Variants in TOMM20 observed in about 807,000 individuals in gnomAD.
The protein encoded by TOMM20 is mitochondrial import receptor subunit TOM20 homolog.
A neutral mutation model predicts 22.1 loss-of-function variants in TOMM20; 10 were observed. The observed-to-expected ratio is 0.45, with a 90% CI of 0.28 to 0.77. The LOEUF is 0.77. TOMM20 is among the 30% of genes least tolerant of loss of function. The probability of loss-of-function intolerance (pLI) is 0.13; values close to 1 mark genes in which losing one functional copy is unlikely to be tolerated. For synonymous variants in TOMM20, 55 were observed against 61.4 expected (o/e 0.90, Z 0.49); for missense variants, 121 against 172.2 (o/e 0.70, Z 1.66).
intron 3 of TOMM20, among the ~76,000 whole-genome samples, chr1:235,118,537 GTTT>G (rs1450618639): frequency 6.6e-6 from 1 of 152,148 alleles, no homozygotes; most frequent in African/African-American, 2.4e-5. Flanking sequence ...TATGTATATA[GTTT>G]TTAAGAGACA....
intron 1 of TOMM20, among the ~76,000 whole-genome samples, chr1:235,123,840 A>G (rs1367551560): frequency 2.0e-5 from 3 of 152,250 alleles, no homozygotes; most frequent in South Asian, 4.1e-4. Flanking sequence ...ATAATGAGTG[A>G]TAACAGACAA....
At chr1:235,123,140 T>C (rs1227753675) in intron 1 of TOMM20, among the ~76,000 whole-genome samples, 4 of 152,180 alleles carry the variant, frequency 2.6e-5, no homozygotes, top group African/African-American at 9.6e-5. Flanking sequence ...AACAAGCAAA[T>C]GTCCTCTGAA....
intron 1 of TOMM20, among the ~76,000 whole-genome samples, chr1:235,125,396 T>C (rs910583053): frequency 6.6e-6 from 1 of 152,100 alleles, no homozygotes; most frequent in Non-Finnish European, 1.5e-5. Flanking sequence ...TTCTATTTTT[T>C]AGTAAAGACG....
chr1:235,122,454 T>A, intron 1 of TOMM20, 82 bp from the exon 2 acceptor site: 1 of 1,286,066 alleles, frequency 7.8e-7, no homozygotes, highest in Non-Finnish European at 1.1e-6. Flanking sequence ...GTGGCAGTCA[T>A]TAATTCCATT....
At chr1:235,116,590 T>G (rs1171197045) in intron 3 of TOMM20, among the ~76,000 whole-genome samples, 1 of 151,686 alleles carries the variant, frequency 6.6e-6, no homozygotes, top group African/African-American at 2.4e-5. Context: ...TCCCAGCTAC[T>G]TGGGAGGCTG....
chr1:235,122,458 T>C, intron 1 of TOMM20, 86 bp from the exon 2 acceptor site: 6 of 1,259,790 alleles, frequency 4.8e-6, no homozygotes, highest in Non-Finnish European at 6.7e-6. Flanking sequence ...CAGTCATTAA[T>C]TCCATTTGCA....
intron 3 of TOMM20, among the ~76,000 whole-genome samples, chr1:235,118,089 C>A (rs1660864673): frequency 6.6e-6 from 1 of 152,096 alleles, no homozygotes; most frequent in Admixed American, 6.6e-5. Flanking sequence ...ATAATTAAAT[C>A]TCTTCTGAAC....
chr1:235,123,600 G>A (rs996086599), intron 1 of TOMM20, among the ~76,000 whole-genome samples: 4 of 152,262 alleles, frequency 2.6e-5, no homozygotes, highest in South Asian at 2.1e-4. Context: ...ATACCCACTC[G>A]TCTCCCATAA....
chr1:235,127,834 A>C (rs775360462), intron 1 of TOMM20: 2 of 519,156 alleles, frequency 3.9e-6, no homozygotes, highest in South Asian at 2.8e-5. Flanking sequence ...AGACTGAGCC[A>C]CGGGAGAAGC....
chr1:235,113,815 G>A lies in TOMM20; in HGVS notation c.346C>T (p.Pro116Ser). Residue 116 changes from proline (P) to serine (S), a missense_variant, in exon 4 of 5, where the codon CCA (proline) becomes TCA (serine). Coordinates refer to ENST00000366607, the MANE Select transcript of TOMM20 (RefSeq NM_014765.3). ...LLQVLQQTLP[P>S]PVFQMLLTKL... is the part of the protein sequence containing the mutation. ...GTCAGAAGCATCTGGAACACTGGTGGTGGAAGAGTTTGCTGTAAGACCTGC... is the reference window on the plus strand; with the variant it reads ...GTCAGAAGCATCTGGAACACTGGTGATGGAAGAGTTTGCTGTAAGACCTGC... The A allele has an allele frequency of 6.2e-7, 1 of 1,613,556 alleles. No individual in the cohort carries two copies. The highest frequency in any genetic ancestry group is 8.5e-7 in the Non-Finnish European group (1 of 1,179,964).
chr1:235,117,059 A>C (rs1162921295), intron 3 of TOMM20, among the ~76,000 whole-genome samples: 87 of 137,674 alleles, frequency 6.3e-4, no homozygotes, highest in South Asian at 1.7e-3. Flanking sequence ...GACATGAACC[A>C]GGGAGGCAGA....
At chr1:235,123,527 T>C (rs980373928) in intron 1 of TOMM20, among the ~76,000 whole-genome samples, 1 of 152,182 alleles carries the variant, frequency 6.6e-6, no homozygotes, top group Admixed American at 6.5e-5. Flanking sequence ...GTTCATTTAC[T>C]ATGGTCAAGG....
At chr1:235,113,663 A>G (rs1403511204) in intron 4 of TOMM20, 105 bp downstream of exon 4, 20 of 1,396,466 alleles carry the variant, frequency 1.4e-5, no homozygotes, top group Non-Finnish European at 1.9e-5. Flanking sequence ...TTCATTATAC[A>G]GATAAGTTTA....
chr1:235,121,282 T>C (rs566482835), intron 2 of TOMM20, among the ~76,000 whole-genome samples: 1 of 152,204 alleles, frequency 6.6e-6, no homozygotes, highest in African/African-American at 2.4e-5. Flanking sequence ...CTTATTAACC[T>C]AGCCAACACA....
chr1:235,116,907 G>C (rs562311205), intron 3 of TOMM20, among the ~76,000 whole-genome samples: 1 of 149,946 alleles, frequency 6.7e-6, no homozygotes, highest in Non-Finnish European at 1.5e-5. Flanking sequence ...AGGCCAAGGC[G>C]GGCGGATCAC....
intron 3 of TOMM20, among the ~76,000 whole-genome samples, chr1:235,117,729 T>C (rs956524196): frequency 2.0e-5 from 3 of 152,204 alleles, no homozygotes; most frequent in Non-Finnish European, 4.4e-5. Flanking sequence ...GGGTAAAATT[T>C]TGACTACTGC....
At chr1:235,117,822 TCTCCA>T (rs1660860400) in intron 3 of TOMM20, among the ~76,000 whole-genome samples, 2 of 152,210 alleles carry the variant, frequency 1.3e-5, no homozygotes, top group Admixed American at 6.5e-5. Flanking sequence ...AACAGGTGAA[TCTCCA>T]CTGCCAATGT....
intron 3 of TOMM20, among the ~76,000 whole-genome samples, chr1:235,114,493 G>A (rs1244527651): frequency 1.4e-5 from 2 of 144,624 alleles, no homozygotes; most frequent in African/African-American, 5.2e-5. Flanking sequence ...CTGGAGTGCA[G>A]TGGCACGATC....
At chr1:235,122,580 T>A (rs1285049571) in intron 1 of TOMM20, 1 of 407,710 alleles carries the variant, frequency 2.5e-6, no homozygotes, top group East Asian at 3.7e-5. Flanking sequence ...GCGTTCTCCT[T>A]CCCTTTGGGG....
Sources: allele counts gnomAD v4.1 joint callset (sites outside exome capture counted in the v4.1 genomes callset), GRCh38; gene constraint gnomAD v4.1.1; transcripts MANE v1.5; gene names NCBI Gene and HGNC (gene_info 2026-07-23, HGNC 2026-07-21).